ATRNL1: variants seen among roughly 807,000 people sequenced by gnomAD.
The protein encoded by ATRNL1 is attractin like 1.
ATRNL1 carries 95 observed loss-of-function variants against 182.7 expected under a neutral mutation model. The ratio of observed to expected loss-of-function variants is 0.52; its 90% CI spans 0.44 to 0.62. The LOEUF is 0.62. Among genes scored for constraint, ATRNL1 ranks in the 20% least tolerant of loss-of-function variants. ATRNL1 has a pLI of 0.00. For synonymous variants in ATRNL1, 576 were observed against 568.3 expected, an observed-to-expected ratio of 1.01 and a Z score of -0.19; for missense variants, 1,471 against 1,679.5, an observed-to-expected ratio of 0.88 and a Z score of 2.17.
chr10:115,212,076 T>TAA (rs1554895133), intron 8 of ATRNL1, among the ~76,000 whole-genome samples: 2 of 151,892 alleles, frequency 1.3e-5, no homozygotes, highest in Admixed American at 6.6e-5. Context: ...GCAGGTTTGT[T>TAA]ATGTGGCTGT....
intron 13 of ATRNL1, among the ~76,000 whole-genome samples, chr10:115,277,286 A>T (rs1852147582): frequency 6.6e-6 from 1 of 152,112 alleles, no homozygotes; most frequent in Admixed American, 6.5e-5. Context: ...GAATAAAGAT[A>T]AAAATTATAT....
chr10:115,351,361 A>T (rs1856241004), intron 19 of ATRNL1, among the ~76,000 whole-genome samples: 1 of 152,142 alleles, frequency 6.6e-6, no homozygotes, highest in African/African-American at 2.4e-5. Context: ...TTCCCTAGTC[A>T]GTATGATGCC....
At chr10:115,332,365 T>G (rs879972833) in intron 18 of ATRNL1, among the ~76,000 whole-genome samples, 1 of 152,200 alleles carries the variant, frequency 6.6e-6, no homozygotes, top group Non-Finnish European at 1.5e-5. Flanking sequence ...CAATTGTATG[T>G]GTGAGTGGTT....
At chr10:115,378,603 G>A (rs1269336776) in intron 19 of ATRNL1, among the ~76,000 whole-genome samples, 1 of 152,156 alleles carries the variant, frequency 6.6e-6, no homozygotes, top group Non-Finnish European at 1.5e-5. Context: ...GTGTGTGTGT[G>A]ATTGTTTCTA....
chr10:115,483,557 A>G (rs1848871616), intron 24 of ATRNL1, among the ~76,000 whole-genome samples: 1 of 151,596 alleles, frequency 6.6e-6, no homozygotes, highest in Non-Finnish European at 1.5e-5. Context: ...AAAATATACC[A>G]CATGACTATA....
At chr10:115,188,337 G>A (rs1723054941) in intron 8 of ATRNL1, among the ~76,000 whole-genome samples, 1 of 152,138 alleles carries the variant, frequency 6.6e-6, no homozygotes, top group Admixed American at 6.5e-5. Flanking sequence ...TGGCAGTAAA[G>A]GAAATGTCAG....
chr10:115,456,070 A>G (rs1383465741), intron 21 of ATRNL1, among the ~76,000 whole-genome samples: 3 of 152,174 alleles, frequency 2.0e-5, no homozygotes, highest in Non-Finnish European at 2.9e-5. Context: ...TGTGAAAGAC[A>G]GTGTGGCAAT....
intron 26 of ATRNL1, among the ~76,000 whole-genome samples, chr10:115,703,996 T>C (rs1946820019): frequency 6.6e-6 from 1 of 151,868 alleles, no homozygotes; most frequent in Admixed American, 6.6e-5. Context: ...AAAAATGAAA[T>C]AGAATCCCAA....
intron 26 of ATRNL1, among the ~76,000 whole-genome samples, chr10:115,720,210 A>G (rs1047718770): frequency 6.6e-6 from 1 of 152,120 alleles, no homozygotes; most frequent in Non-Finnish European, 1.5e-5. Context: ...TTACAAATGG[A>G]CAGATGTCAG....
At chr10:115,213,454 C>A (rs550926406) in intron 8 of ATRNL1, among the ~76,000 whole-genome samples, 2 of 152,178 alleles carry the variant, frequency 1.3e-5, no homozygotes, top group South Asian at 2.1e-4. Context: ...ACCCAAGTAA[C>A]CTTTTGTTCT....
intron 19 of ATRNL1, among the ~76,000 whole-genome samples, chr10:115,360,601 CAA>C (rs35218125): frequency 6.8e-6 from 1 of 146,568 alleles, no homozygotes; most frequent in Admixed American, 6.8e-5. Flanking sequence ...TTTTTTAAAG[CAA>C]AAAAAAAATC....
chr10:115,510,881 A>C (rs759725466), intron 24 of ATRNL1, among the ~76,000 whole-genome samples: 42 of 152,106 alleles, frequency 2.8e-4, no homozygotes, highest in Non-Finnish European at 5.2e-4. Flanking sequence ...TTGGAGGAGA[A>C]TCACAGAAAC....
At chr10:115,516,334 T>A (rs1850634925) in intron 24 of ATRNL1, among the ~76,000 whole-genome samples, 1 of 151,864 alleles carries the variant, frequency 6.6e-6, no homozygotes, top group African/African-American at 2.4e-5. Flanking sequence ...TCTTTCTTCA[T>A]TCACCTGTCA....
At chr10:115,704,663 C>T (rs781835224) in intron 26 of ATRNL1, among the ~76,000 whole-genome samples, 7 of 151,798 alleles carry the variant, frequency 4.6e-5, no homozygotes, top group African/African-American at 1.4e-4. Context: ...AGCTAACACA[C>T]CTAGGTTCGC....
chr10:115,345,518 A>G (rs1855937512), intron 19 of ATRNL1, among the ~76,000 whole-genome samples: 1 of 152,198 alleles, frequency 6.6e-6, no homozygotes, highest in Non-Finnish European at 1.5e-5. Context: ...TTTTTAAGAA[A>G]TCACTTCAGT....
At chr10:115,179,515 C>T (rs148619382) in intron 8 of ATRNL1, among the ~76,000 whole-genome samples, 3 of 152,198 alleles carry the variant, frequency 2.0e-5, no homozygotes, top group Non-Finnish European at 2.9e-5. Flanking sequence ...GGATATTGCC[C>T]TGGTCATACC....
At chr10:115,601,454 T>C (rs1208250036) in intron 26 of ATRNL1, among the ~76,000 whole-genome samples, 3 of 152,212 alleles carry the variant, frequency 2.0e-5, no homozygotes, top group Non-Finnish European at 4.4e-5. Context: ...TATTCTATAA[T>C]GTGACAAAGA....
chr10:115,214,067 C>CAT (rs1261377553), intron 8 of ATRNL1, among the ~76,000 whole-genome samples: 17 of 150,116 alleles, frequency 1.1e-4, no homozygotes, highest in African/African-American at 3.2e-4. Flanking sequence ...CACACACACA[C>CAT]ATATATATAA....
At chr10:115,611,640 G>C (rs1857164869) in intron 26 of ATRNL1, among the ~76,000 whole-genome samples, 1 of 151,920 alleles carries the variant, frequency 6.6e-6, no homozygotes, top group African/African-American at 2.4e-5. Flanking sequence ...TAGTTAGATG[G>C]TGTGATATAT....
Sources: allele counts gnomAD v4.1 joint callset (sites outside exome capture counted in the v4.1 genomes callset), GRCh38; gene constraint gnomAD v4.1.1; transcripts MANE v1.5; gene names NCBI Gene and HGNC (gene_info 2026-07-23, HGNC 2026-07-21).